The following ZKSCAN1 variants were observed in gnomAD, a reference collection of about 807,000 sequenced individuals.
The protein encoded by ZKSCAN1 is zinc finger protein with KRAB and SCAN domains 1.
Under a neutral mutation model 51.6 loss-of-function variants are expected in ZKSCAN1, and 14 were observed. That is an observed-to-expected ratio of 0.27 (90% CI 0.18 to 0.42). The LOEUF (loss-of-function observed/expected upper bound fraction) is 0.42, where lower values mean the gene tolerates loss of function less well. ZKSCAN1 is among the 10% of genes least tolerant of loss of function. The pLI is 1.00. For synonymous variants in ZKSCAN1, 263 were observed against 261.5 expected, an observed-to-expected ratio of 1.01 and a Z score of -0.06; for missense variants, 531 against 710.0, an observed-to-expected ratio of 0.75 and a Z score of 2.86.
rs1266266908 is a variant in ZKSCAN1, at chr7:100,039,153, A to C, written c.*4956A>C. On this transcript the variant is annotated 3_prime_UTR_variant, in exon 6 of 6. Transcript: ENST00000324306. ...GTGGTGAAAGCCTGTCTCTACTAAA[A>C]ATACAAAAATTAGCCGGGCGTGGTG... The C allele has an allele frequency of 4.7e-6, 1 of 211,532 alleles. No homozygotes were observed. The highest frequency in any genetic ancestry group is 8.0e-6 in the Non-Finnish European group (1 of 124,944). 13.1% of individuals were successfully genotyped at this position (211,532 alleles called of 1,614,324 possible).
downstream of ZKSCAN1, among the ~76,000 whole-genome samples, chr7:100,042,268 G>A (rs894320687): frequency 5.4e-5 from 8 of 147,642 alleles, no homozygotes; most frequent in South Asian, 8.6e-4. Context: ...GCAGTGAGCC[G>A]AGATCGCACC....
In ZKSCAN1 at chr7:100,039,930, ACTG is replaced by A. The variant is rs978438265; in HGVS notation, c.*5734_*5736del. On this transcript the variant is annotated 3_prime_UTR_variant, in exon 6 of 6. Coordinates refer to ENST00000324306, the MANE Select transcript of ZKSCAN1 (RefSeq NM_003439.4). ...AGGGTAGATTTTTATTTCAACTACT[ACTG>A]GAGAATTTAATAAAAGGCATTATTT... 1 of 978,972 alleles carries A rather than the reference ACTG, an allele frequency of 1.0e-6. No individual in the cohort carries two copies. The allele number at this position is 978,972 out of a possible 1,614,324, so 60.6% of individuals were successfully genotyped here.
chr7:100,021,738 CTT>C (rs34068163), intron 1 of ZKSCAN1, among the ~76,000 whole-genome samples: 187 of 134,222 alleles, frequency 1.4e-3, no homozygotes, highest in East Asian at 9.5e-3. Context: ...CTATAAGAAT[CTT>C]TTTTTTTTTT....
At chr7:100,020,231 A>C (rs975011395) in intron 1 of ZKSCAN1, among the ~76,000 whole-genome samples, 3 of 152,306 alleles carry the variant, frequency 2.0e-5, no homozygotes, top group East Asian at 1.9e-4. Context: ...TGCGGGGGGA[A>C]GTCCCAGGCA....
chr7:100,017,246 A>G (rs1021119886), intron 1 of ZKSCAN1, among the ~76,000 whole-genome samples: 1 of 151,922 alleles, frequency 6.6e-6, no homozygotes, highest in African/African-American at 2.4e-5. Context: ...TTTTTGAGAC[A>G]GAGTCTTGCT....
In ZKSCAN1 at chr7:100,040,836, G is replaced by A; in HGVS notation, c.*6639G>A. On this transcript the variant is annotated 3_prime_UTR_variant, in exon 6 of 6. Transcript: ENST00000324306. Reference sequence around the variant, plus strand: ...TAAAGCTTTTAGCCTGCCCTAGCAAGGACAAAGCATGTTAGATTAGAGATG... The same window carrying A: ...TAAAGCTTTTAGCCTGCCCTAGCAAAGACAAAGCATGTTAGATTAGAGATG... 1.0e-6 allele frequency: 1 copy of A among 985,434 alleles called. No individual in the cohort carries two copies. Among genetic ancestry groups the A allele is most frequent in the South Asian group, 4.7e-5 (1 of 21,282 alleles). The allele number at this position is 985,434 out of a possible 1,614,324, so 61.0% of individuals were successfully genotyped here.
chr7:100,035,462 C>A lies in ZKSCAN1; in HGVS notation c.*1265C>A, dbSNP rs145299107. 6 of 151,382 alleles carry A rather than the reference C, an allele frequency of 4.0e-5. No individual in the cohort carries two copies. The East Asian group carries it at 1.2e-3, about 29-fold the overall frequency. 9.4% of individuals were successfully genotyped at this position (151,382 alleles called of 1,614,324 possible). A position where few individuals can be genotyped will look rare whatever the true frequency, so the allele number is the denominator to read the frequency against. The stretch of plus-strand genomic sequence containing the variant: ...TTTCTGTGGCAAAGCTCTTAGAATT[C>A]TTTGCAGTTAGCTGCTGAACAGTAT... On this transcript the variant is annotated 3_prime_UTR_variant, in exon 6 of 6. Coordinates refer to ENST00000324306, the MANE Select transcript of ZKSCAN1 (RefSeq NM_003439.4).
chr7:100,037,418 CTTAATA>C lies in ZKSCAN1; in HGVS notation c.*3226_*3231del, dbSNP rs1181766382. On this transcript the variant is annotated 3_prime_UTR_variant, in exon 6 of 6. Transcript: ENST00000324306. ...ATGAGACATCTTGATATGTAAAGCACTTAATATTAAAGGCATAAAAGTGAAACTGCT... is the reference window on the plus strand; with the variant it reads ...ATGAGACATCTTGATATGTAAAGCACTTAAAGGCATAAAAGTGAAACTGCT... 1.1e-5 allele frequency: 11 copies of C among 985,256 alleles called. No individual in the cohort carries two copies. The highest frequency in any genetic ancestry group is 1.2e-5 in the Non-Finnish European group (10 of 829,930). 61.0% of individuals were successfully genotyped at this position (985,256 alleles called of 1,614,324 possible).
chr7:100,034,441 CAA>C lies in ZKSCAN1; in HGVS notation c.*245_*246del, dbSNP rs1791260375. The C allele has an allele frequency of 8.9e-6, 11 of 1,241,658 alleles. No homozygotes were observed. The highest frequency in any genetic ancestry group is 3.2e-5 in the South Asian group (1 of 31,702). The allele number at this position is 1,241,658 out of a possible 1,614,324, so 76.9% of individuals were successfully genotyped here. ...GGATAATCCACGTGAGATTTCCACA[CAA>C]GAGAAAAGCACACGCATAGTGAAAT... is the stretch of plus-strand genomic sequence containing the variant. On this transcript the variant is annotated 3_prime_UTR_variant, in exon 6 of 6. Coordinates refer to ENST00000324306, the MANE Select transcript of ZKSCAN1 (RefSeq NM_003439.4).
rs1271259889 is a variant in ZKSCAN1, at chr7:100,030,339, A to G, written c.763A>G (p.Asn255Asp). The change falls in exon 5 of 6, where the codon AAC becomes GAC. Residue 255 changes from asparagine to aspartate, a missense_variant. By Grantham distance (23) the Asn-to-Asp change is conservative. This residue lies in a region of ZKSCAN1 where 403 missense variants were observed against 490.5 expected (regional missense o/e 0.82). Transcript: ENST00000324306. ...NLARRNLSRD[N>D]RQENYGSAFP... is the part of the protein sequence containing the mutation. Reference sequence around the variant, plus strand: ...GGCTCGGAGGAATCTCAGTAGGGACAACAGGCAGGAGAATTATGGGAGCGC... The same window carrying G: ...GGCTCGGAGGAATCTCAGTAGGGACGACAGGCAGGAGAATTATGGGAGCGC... The G allele has an allele frequency of 1.2e-6, 2 of 1,614,060 alleles. No homozygotes were observed. The highest frequency in any genetic ancestry group is 2.7e-5 in the African/African-American group (2 of 74,932).
At chr7:100,020,546 C>T (rs1201317363) in intron 1 of ZKSCAN1, among the ~76,000 whole-genome samples, 3 of 152,134 alleles carry the variant, frequency 2.0e-5, no homozygotes, top group African/African-American at 7.2e-5. Context: ...ATCCCAGCTA[C>T]TCAGGAGGCT....
chr7:100,032,037 C>T (rs2115925384), intron 5 of ZKSCAN1, among the ~76,000 whole-genome samples: 1 of 152,290 alleles, frequency 6.6e-6, no homozygotes, highest in South Asian at 2.1e-4. Flanking sequence ...TGTGCTCATG[C>T]CACTGTACTC....
intron 1 of ZKSCAN1, among the ~76,000 whole-genome samples, chr7:100,018,928 A>C (rs1046781180): frequency 2.0e-5 from 3 of 152,298 alleles, no homozygotes. Flanking sequence ...CCCTGGACTC[A>C]TTTCCTCCTT....
In ZKSCAN1 at chr7:100,040,351, C is replaced by G. The variant is rs901127562; in HGVS notation, c.*6154C>G. On this transcript the variant is annotated 3_prime_UTR_variant, in exon 6 of 6. Transcript: ENST00000324306. ...TGACAATTTGAATCTGAGATTCTCA[C>G]CTCCATTTACTAAAGAATCGTGACT... 1.0e-6 allele frequency: 1 copy of G among 985,306 alleles called. No homozygotes were observed. Among genetic ancestry groups the G allele is most frequent in the African/African-American group, 1.7e-5 (1 of 57,232 alleles). 61.0% of individuals were successfully genotyped at this position (985,306 alleles called of 1,614,324 possible). A position where few individuals can be genotyped will look rare whatever the true frequency, so the allele number is the denominator to read the frequency against.
intron 3 of ZKSCAN1, among the ~76,000 whole-genome samples, chr7:100,026,284 A>C (rs1356654684): frequency 6.6e-6 from 1 of 150,768 alleles, no homozygotes; most frequent in Non-Finnish European, 1.5e-5. Context: ...CTTAACCATG[A>C]CTGGAGCTTG....
rs1481267803 is a variant in ZKSCAN1, at chr7:100,037,422, A to C, written c.*3225A>C. 1.0e-6 allele frequency: 1 copy of C among 985,440 alleles called. No homozygotes were observed. The allele number at this position is 985,440 out of a possible 1,614,324, so 61.0% of individuals were successfully genotyped here. ...GACATCTTGATATGTAAAGCACTTA[A>C]TATTAAAGGCATAAAAGTGAAACTG... On this transcript the variant is annotated 3_prime_UTR_variant, in exon 6 of 6. Transcript: ENST00000324306.
At chr7:100,029,081 T>C (rs1317034664) in intron 3 of ZKSCAN1, among the ~76,000 whole-genome samples, 1 of 150,362 alleles carries the variant, frequency 6.7e-6, no homozygotes, top group African/African-American at 2.5e-5. Context: ...GGAGAATCAC[T>C]TGAACCCGGG....
At position 100,033,317 on chromosome 7, in the gene ZKSCAN1, G is replaced by A; in HGVS notation, c.812G>A (p.Arg271Lys). Reference sequence around the variant, plus strand: ...TTTATTATGTCAGGTGGTGAAAACAGGAATGAGAACGAGGAGTCAACCTCA... The same window carrying A: ...TTTATTATGTCAGGTGGTGAAAACAAGAATGAGAACGAGGAGTCAACCTCA... ...GSAFPQGGEN[R>K]NENEESTSKA... The change falls in exon 6 of 6, where the codon AGG becomes AAG. Residue 271 changes from arginine (R) to lysine (K), a missense_variant. By Grantham distance (26) the Arg-to-Lys change is conservative (BLOSUM62 2). Transcript: ENST00000324306. This position sits in a 1 kb window ranked among gnomAD's most constrained non-coding sequence, Gnocchi z 4.1. The A allele has an allele frequency of 3.1e-6, 5 of 1,601,854 alleles. No homozygotes were observed. The highest frequency in any genetic ancestry group is 1.4e-5 in the African/African-American group (1 of 73,984).
chr7:100,039,890 C>G lies in ZKSCAN1; in HGVS notation c.*5693C>G. On this transcript the variant is annotated 3_prime_UTR_variant, in exon 6 of 6. Transcript: ENST00000324306. ...AGAAAAGTCAGTGATATAAATAGAT[C>G]ATTTCATAGAAATTAGGGTAGATTT... The G allele has an allele frequency of 1.0e-6, 1 of 983,062 alleles. No homozygotes were observed. Among genetic ancestry groups the G allele is most frequent in the African/African-American group, 1.7e-5 (1 of 57,202 alleles). The allele number at this position is 983,062 out of a possible 1,614,324, so 60.9% of individuals were successfully genotyped here. A position where few individuals can be genotyped will look rare whatever the true frequency, so the allele number is the denominator to read the frequency against.
Sources: gnomAD v4.1 joint callset for allele counts (sites outside exome capture counted in the v4.1 genomes callset) on GRCh38, gnomAD v4.1.1 for gene constraint, gnomAD v4.1.1 regional missense constraint, Gnocchi (gnomAD v3.1) non-coding constraint, MANE v1.5 for transcripts, NCBI Gene and HGNC (gene_info 2026-07-23, HGNC 2026-07-21) for gene names.